Variants in ABLIM1 observed in about 807,000 individuals in gnomAD.
The protein encoded by ABLIM1 is actin-binding LIM protein 1.
Under a neutral mutation model 107.0 loss-of-function variants are expected in ABLIM1, and 40 were observed. The ratio of observed to expected loss-of-function variants is 0.37; its 90% CI spans 0.29 to 0.49. The LOEUF (loss-of-function observed/expected upper bound fraction) is 0.49. Among genes scored for constraint, ABLIM1 ranks in the 20% least tolerant of loss-of-function variants. The pLI is 0.97. For missense variants in ABLIM1, 857 were observed against 1,008.5 expected, an observed-to-expected ratio of 0.85 and a Z score of 2.04; for synonymous variants, 357 against 357.3, an observed-to-expected ratio of 1.00 and a Z score of 0.01.
chr10:114,578,950 C>T (rs2073014205), intron 2 of ABLIM1, among the ~76,000 whole-genome samples: 1 of 151,628 alleles, frequency 6.6e-6, no homozygotes, highest in South Asian at 2.1e-4. Flanking sequence ...CCACGCCTGG[C>T]TAATTTTTGT....
At chr10:114,770,078 A>G (rs1365014134), upstream of ABLIM1, among the ~76,000 whole-genome samples, 1 of 151,940 alleles carries the variant, frequency 6.6e-6, no homozygotes, top group Non-Finnish European at 1.5e-5. Flanking sequence ...CCCACCCCCC[A>G]GGTTTATTTT....
At chr10:114,634,133 T>C (rs903931900) in intron 1 of ABLIM1, among the ~76,000 whole-genome samples, 5 of 90,026 alleles carry the variant, frequency 5.6e-5, no homozygotes, top group Middle Eastern at 4.4e-3. Flanking sequence ...ATTTTTCTTT[T>C]TTTTTTTTTT....
intron 1 of ABLIM1, among the ~76,000 whole-genome samples, chr10:114,747,319 C>G (rs367740774): frequency 5.3e-5 from 8 of 152,168 alleles, no homozygotes; most frequent in African/African-American, 1.9e-4. Flanking sequence ...CCACAGACCA[C>G]GGGGACATGG....
At position 114,629,340 on chromosome 10, in the gene ABLIM1, T is replaced by C. The variant is rs1026891003; in HGVS notation, c.245-27379A>G. 2.0e-5 allele frequency among the ~76,000 whole-genome samples: 3 copies of C among 152,130 alleles called. No individual in the cohort carries two copies. The highest frequency in any genetic ancestry group is 4.4e-5 in the Non-Finnish European group (3 of 68,020). On this transcript the variant is annotated intron_variant, in intron 1 of 22. Transcript: ENST00000533213. The surrounding 1 kb of genome is among the most constrained non-coding windows in gnomAD (Gnocchi z 4.0). ...GGACATTGCCAGGACCCGAGCCTCC[T>C]CGAGTTGATTCCTGACAGCTCCACA...
intron 2 of ABLIM1, among the ~76,000 whole-genome samples, chr10:114,580,258 G>A (rs2139162769): frequency 6.6e-6 from 1 of 151,064 alleles, no homozygotes; most frequent in African/African-American, 2.4e-5. Flanking sequence ...CCAGCATGGA[G>A]TACAGTGGCA....
rs3750820 is a variant in ABLIM1 at position 114,432,867 on chromosome 10, T to G, written c.*3393A>C. 6.6e-6 allele frequency: 1 copy of G among 152,184 alleles called. No individual in the cohort carries two copies. The highest frequency in any genetic ancestry group is 1.9e-4 in the East Asian group (1 of 5,170). 9.4% of individuals were successfully genotyped at this position (152,184 alleles called of 1,614,324 possible). A position where few individuals can be genotyped will look rare whatever the true frequency, so the allele number is the denominator to read the frequency against. On this transcript the variant is annotated 3_prime_UTR_variant, in exon 23 of 23. Transcript: ENST00000533213. ...GAACAGGAAGTTTATGTGAAGTTAT[T>G]GAACACGTCATATTAAGAACATTTC...
chr10:114,445,746 T>C (rs2060920013), intron 15 of ABLIM1, among the ~76,000 whole-genome samples: 2 of 152,174 alleles, frequency 1.3e-5, no homozygotes, highest in Non-Finnish European at 2.9e-5. Flanking sequence ...CCAGTTGTTA[T>C]TTTGATGTCT....
At chr10:114,624,567 C>T (rs1237626056) in intron 1 of ABLIM1, among the ~76,000 whole-genome samples, 2 of 152,174 alleles carry the variant, frequency 1.3e-5, no homozygotes, top group African/African-American at 4.8e-5. Context: ...TGAGGCCCAA[C>T]CTCCATTTCA....
intron 10 of ABLIM1, among the ~76,000 whole-genome samples, chr10:114,472,247 C>A (rs890672364): frequency 2.6e-5 from 4 of 152,074 alleles, no homozygotes; most frequent in African/African-American, 7.2e-5. Flanking sequence ...GAAACTAGGA[C>A]CATTTTTCTT....
intron 4 of ABLIM1, among the ~76,000 whole-genome samples, chr10:114,557,863 T>A (rs2069002103): frequency 6.6e-6 from 1 of 150,550 alleles, no homozygotes; most frequent in African/African-American, 2.4e-5. Context: ...AATCAAAGAA[T>A]TGAAACTCAC....
intron 1 of ABLIM1, 62 bp downstream of exon 1, chr10:114,657,895 C>A: frequency 7.4e-7 from 1 of 1,355,156 alleles, no homozygotes; most frequent in Admixed American, 1.8e-5. Flanking sequence ...CTGGATAGTA[C>A]TCTCTTAATT....
intron 6 of ABLIM1, among the ~76,000 whole-genome samples, chr10:114,497,515 T>G (rs528223636): frequency 2.0e-5 from 3 of 151,576 alleles, no homozygotes; most frequent in African/African-American, 7.3e-5. Context: ...CCGTTTCTAC[T>G]AAAAAAAATA....
intron 4 of ABLIM1, among the ~76,000 whole-genome samples, chr10:114,561,691 G>C (rs1240287232): frequency 5.9e-5 from 9 of 152,174 alleles, no homozygotes; most frequent in Admixed American, 5.9e-4. Context: ...ACTGGGAAAT[G>C]ACTGCTGTTC....
At chr10:114,698,135 C>G (rs915306296) in intron 1 of ABLIM1, among the ~76,000 whole-genome samples, 1 of 151,672 alleles carries the variant, frequency 6.6e-6, no homozygotes, top group African/African-American at 2.4e-5. Context: ...AATACACAAA[C>G]ACATGATTCT....
intron 1 of ABLIM1, among the ~76,000 whole-genome samples, chr10:114,702,398 G>A (rs2081323646): frequency 6.6e-6 from 1 of 151,992 alleles, no homozygotes. Flanking sequence ...ATAAGAATTT[G>A]CAGAATTAAA....
At chr10:114,567,739 G>A (rs2070969257) in intron 4 of ABLIM1, among the ~76,000 whole-genome samples, 1 of 152,172 alleles carries the variant, frequency 6.6e-6, no homozygotes, top group Non-Finnish European at 1.5e-5. Flanking sequence ...GAGATGATGG[G>A]AAACCAGTCA....
intron 1 of ABLIM1, among the ~76,000 whole-genome samples, chr10:114,731,063 T>C (rs1177525292): frequency 6.6e-6 from 1 of 152,098 alleles, no homozygotes; most frequent in Non-Finnish European, 1.5e-5. Context: ...TATTCACCAG[T>C]TGATGTATAT....
At chr10:114,524,477 G>A (rs1012558573) in intron 6 of ABLIM1, among the ~76,000 whole-genome samples, 14 of 151,800 alleles carry the variant, frequency 9.2e-5, no homozygotes, top group Admixed American at 4.6e-4. Flanking sequence ...TGGTACAGAT[G>A]GCGAAAAGAA....
intron 12 of ABLIM1, among the ~76,000 whole-genome samples, chr10:114,459,552 C>T (rs1007712176): frequency 1.3e-4 from 18 of 134,366 alleles, no homozygotes; most frequent in African/African-American, 2.5e-4. Context: ...ATCTCCACCA[C>T]ATATCTTTTT....
Sources: allele counts gnomAD v4.1 joint callset (sites outside exome capture counted in the v4.1 genomes callset), GRCh38; gene constraint gnomAD v4.1.1; non-coding constraint Gnocchi (gnomAD v3.1); transcripts MANE v1.5; gene names NCBI Gene and HGNC (gene_info 2026-07-23, HGNC 2026-07-21).